GATAD1: variants seen among roughly 807,000 people sequenced by gnomAD.
GATAD1 encodes GATA zinc finger domain-containing protein 1.
Under a neutral mutation model 26.5 loss-of-function variants are expected in GATAD1, and 12 were observed. The observed-to-expected ratio is 0.45, with a 90% CI of 0.29 to 0.73. GATAD1 has a LOEUF of 0.73. Ranked by LOEUF, GATAD1 falls within the 30% of genes least tolerant of loss-of-function variation. The pLI is 0.10. For missense variants in GATAD1, 266 were observed against 342.1 expected, an observed-to-expected ratio of 0.78 and a Z score of 1.75; for synonymous variants, 129 against 133.1, an observed-to-expected ratio of 0.97 and a Z score of 0.21.
the GATAD1 span, chr7:92,468,396 A>C: frequency 1.7e-5 from 3 of 176,362 alleles, no homozygotes; most frequent in African/African-American, 7.2e-5. Context: ...TGCAAGATTT[A>C]ATAGAGTGAA....
the GATAD1 span, among the ~76,000 whole-genome samples, chr7:92,466,658 C>T: frequency 4.6e-5 from 7 of 152,166 alleles, no homozygotes; most frequent in African/African-American, 1.7e-4. Context: ...GGAAATTTCA[C>T]CATTTTGTAC....
Position 92,451,997 on chromosome 7 carries a change from T to A in GATAD1, c.435+1237T>A, listed in dbSNP as rs1220010457. ...GTGACGAGGACCAACCTCTCTAATG[T>A]CTCATCTGTAAAATAGGAATTGTAA... On this transcript the variant is annotated intron_variant, in intron 3 of 4. Coordinates refer to ENST00000287957, the MANE Select transcript of GATAD1 (RefSeq NM_021167.5). Among the ~76,000 whole-genome samples, 26 of 152,226 alleles carry A rather than the reference T, an allele frequency of 1.7e-4. 1 individual carries two copies. The highest frequency in any genetic ancestry group is 4.4e-5 in the Non-Finnish European group (3 of 68,032).
chr7:92,451,437 A>G lies in GATAD1; in HGVS notation c.435+677A>G, dbSNP rs571741100. ...GCCTGGCACGGCACAGGCAGCAACCATTGAAGGCTATTTGGTGTTTCGGGA... is the reference window on the plus strand; with the variant it reads ...GCCTGGCACGGCACAGGCAGCAACCGTTGAAGGCTATTTGGTGTTTCGGGA... On this transcript the variant is annotated intron_variant, in intron 3 of 4. Transcript: ENST00000287957. Among the ~76,000 whole-genome samples the G allele has an allele frequency of 1.3e-4, 20 of 152,366 alleles. No individual in the cohort carries two copies. The South Asian group carries it at 1.5e-3, about 11-fold the overall frequency.
At chr7:92,471,685 C>T in the GATAD1 span, 1 of 152,162 alleles carries the variant, frequency 6.6e-6, no homozygotes, top group Admixed American at 6.5e-5. Context: ...TCTTCTATTT[C>T]CCTTTCCTTT....
chr7:92,488,366 TACA>T, the GATAD1 span, among the ~76,000 whole-genome samples: 2 of 152,208 alleles, frequency 1.3e-5, no homozygotes, highest in African/African-American at 4.8e-5. Context: ...TACACATACA[TACA>T]TACTTCAAAG....
At chr7:92,463,230 G>T (rs1034842036), downstream of GATAD1, among the ~76,000 whole-genome samples, 3 of 152,212 alleles carry the variant, frequency 2.0e-5, no homozygotes, top group Non-Finnish European at 4.4e-5. Context: ...TACCAGGGTT[G>T]TGGGAAGAGG....
rs954530115 is a variant in GATAD1, at chr7:92,458,883, C to CTT, written c.*2323_*2324dup. ...TCATTTAAACAATTTAAATGGGGCT[C>CTT]TTTAACCAAAAATGGTATTTAAAAC... On this transcript the variant is annotated 3_prime_UTR_variant, in exon 5 of 5. Coordinates refer to ENST00000287957, the MANE Select transcript of GATAD1 (RefSeq NM_021167.5). 5 of 152,192 alleles carry CTT rather than the reference C, an allele frequency of 3.3e-5. No individual in the cohort carries two copies. The highest frequency in any genetic ancestry group is 7.4e-5 in the Non-Finnish European group (5 of 68,024). The allele number at this position is 152,192 out of a possible 1,614,324, so 9.4% of individuals were successfully genotyped here.
the GATAD1 span, chr7:92,492,995 T>C: frequency 1.7e-5 from 27 of 1,613,772 alleles, no homozygotes; most frequent in African/African-American, 9.3e-5. Flanking sequence ...AGGCCTCCAA[T>C]TGGGCATTGT....
downstream of GATAD1, among the ~76,000 whole-genome samples, chr7:92,463,208 AAC>A: frequency 6.6e-6 from 1 of 152,340 alleles, no homozygotes; most frequent in Non-Finnish European, 1.5e-5. Context: ...ATAGATACAG[AAC>A]ATTAGAGGTT....
rs1345393430 is a variant in GATAD1, at chr7:92,458,498, G to T, written c.*1936G>T. ...TGAAATTGTCTAGAATTCAGGTGCA[G>T]GTCTTTGCCGGTTAAGTAAGGGAGC... On this transcript the variant is annotated 3_prime_UTR_variant, in exon 5 of 5. Coordinates refer to ENST00000287957, the MANE Select transcript of GATAD1 (RefSeq NM_021167.5). 6.6e-6 allele frequency: 1 copy of T among 152,200 alleles called. No individual in the cohort carries two copies. Among genetic ancestry groups the T allele is most frequent in the Non-Finnish European group, 1.5e-5 (1 of 68,048 alleles). The allele number at this position is 152,200 out of a possible 1,614,324, so 9.4% of individuals were successfully genotyped here.
chr7:92,494,638 A>G, the GATAD1 span: 2 of 1,613,484 alleles, frequency 1.2e-6, no homozygotes, highest in Admixed American at 3.3e-5. Flanking sequence ...CTCTGGGAAA[A>G]ACAAACAACA....
chr7:92,463,190 A>C (rs1474859005), downstream of GATAD1, among the ~76,000 whole-genome samples: 1 of 152,218 alleles, frequency 6.6e-6, no homozygotes, highest in Non-Finnish European at 1.5e-5. Context: ...GAATAGGCAA[A>C]TTATGTCATA....
the GATAD1 span, chr7:92,468,641 T>G: frequency 1.7e-6 from 1 of 584,112 alleles, no homozygotes; most frequent in Non-Finnish European, 3.0e-6. Context: ...GTGGATGTGG[T>G]CACCTTCCCA....
chr7:92,457,624 A>G lies in GATAD1; in HGVS notation c.*1062A>G, dbSNP rs1789736438. On this transcript the variant is annotated 3_prime_UTR_variant, in exon 5 of 5. Coordinates refer to ENST00000287957, the MANE Select transcript of GATAD1 (RefSeq NM_021167.5). ...ATTTTTCTCCATTATTTATTTCTAGAAACTCATAAAATGGATTGTATTTTT... is the reference window on the plus strand; with the variant it reads ...ATTTTTCTCCATTATTTATTTCTAGGAACTCATAAAATGGATTGTATTTTT... The G allele has an allele frequency of 6.6e-6, 1 of 152,224 alleles. No homozygotes were observed. Among genetic ancestry groups the G allele is most frequent in the Admixed American group, 6.5e-5 (1 of 15,280 alleles). The allele number at this position is 152,224 out of a possible 1,614,324, so 9.4% of individuals were successfully genotyped here.
chr7:92,471,792 G>A, the GATAD1 span: 1 of 152,210 alleles, frequency 6.6e-6, no homozygotes, highest in Non-Finnish European at 1.5e-5. Context: ...TTTGATAGGT[G>A]TTCTCTCAGA....
At chr7:92,470,074 G>C in the GATAD1 span, 1 of 778,824 alleles carries the variant, frequency 1.3e-6, no homozygotes, top group Non-Finnish European at 2.4e-6. Flanking sequence ...CCAACAGACA[G>C]TGACTCCAAG....
the GATAD1 span, chr7:92,468,983 A>G: frequency 7.9e-6 from 6 of 761,152 alleles, no homozygotes; most frequent in African/African-American, 1.7e-5. Context: ...TTAAAGATAC[A>G]GGGTCCAAAG....
At chr7:92,468,410 G>A in the GATAD1 span, 1 of 184,218 alleles carries the variant, frequency 5.4e-6, no homozygotes, top group Non-Finnish European at 1.1e-5. Flanking sequence ...GAGTGAAATA[G>A]CATGAAAACA....
rs538006863 is a variant in GATAD1 at position 92,453,830 on chromosome 7, CG to C, written c.436-671del. Among the ~76,000 whole-genome samples the C allele has an allele frequency of 1.8e-4, 28 of 152,218 alleles. No individual in the cohort carries two copies. The South Asian group carries it at 4.8e-3, about 26-fold the overall frequency. ...GCAGTCTCTATGGCTTTCAGCAAGC[CG>C]TTTAACCTTACTACTGCTTCATGAC... is the stretch of plus-strand genomic sequence containing the variant. On this transcript the variant is annotated intron_variant, in intron 3 of 4. Coordinates refer to ENST00000287957, the MANE Select transcript of GATAD1 (RefSeq NM_021167.5).
Sources: allele counts gnomAD v4.1 joint callset (sites outside exome capture counted in the v4.1 genomes callset), GRCh38; gene constraint gnomAD v4.1.1; transcripts MANE v1.5; gene names NCBI Gene and HGNC (gene_info 2026-07-23, HGNC 2026-07-21).